RGL1: variants seen among roughly 807,000 people sequenced by gnomAD.
The protein encoded by RGL1 is ral guanine nucleotide dissociation stimulator-like 1.
A neutral mutation model predicts 95.2 loss-of-function variants in RGL1; 24 were observed. The ratio of observed to expected loss-of-function variants is 0.25; its 90% CI spans 0.18 to 0.35. The LOEUF is 0.35. RGL1 is among the 10% of genes least tolerant of loss of function. RGL1 has a pLI of 1.00. For missense variants in RGL1, 715 were observed against 936.3 expected, an observed-to-expected ratio of 0.76 and a Z score of 3.08; for synonymous variants, 329 against 344.9, an observed-to-expected ratio of 0.95 and a Z score of 0.51.
intron 3 of RGL1, among the ~76,000 whole-genome samples, chr1:183,859,453 G>T (rs1665372893): frequency 6.6e-6 from 1 of 152,138 alleles, no homozygotes; most frequent in African/African-American, 2.4e-5. Flanking sequence ...TGGAAAGAAA[G>T]GTTATTCTCC....
chr1:183,787,532 G>A (rs1660238785), intron 2 of RGL1, among the ~76,000 whole-genome samples: 1 of 152,150 alleles, frequency 6.6e-6, no homozygotes, highest in South Asian at 2.1e-4. Flanking sequence ...CCCCAGACAT[G>A]TGCCAGACCT....
At chr1:183,735,541 A>G (rs1268247929) in intron 1 of RGL1, among the ~76,000 whole-genome samples, 1 of 152,122 alleles carries the variant, frequency 6.6e-6, no homozygotes, top group Admixed American at 6.6e-5. Flanking sequence ...TATGGAAAGC[A>G]AAAAAAGCAA....
chr1:183,798,726 C>A (rs1037467576), intron 2 of RGL1, among the ~76,000 whole-genome samples: 1 of 151,828 alleles, frequency 6.6e-6, no homozygotes, highest in Non-Finnish European at 1.5e-5. Context: ...CACCCCCTCA[C>A]CCTGCCAATC....
chr1:183,886,083 A>G (rs1005695074), intron 7 of RGL1, among the ~76,000 whole-genome samples: 2 of 152,024 alleles, frequency 1.3e-5, no homozygotes, highest in Non-Finnish European at 2.9e-5. Flanking sequence ...ATTTTGCTTT[A>G]TGTCCCCTTA....
intron 2 of RGL1, among the ~76,000 whole-genome samples, chr1:183,748,811 T>C (rs1010676921): frequency 2.0e-5 from 3 of 152,222 alleles, no homozygotes; most frequent in Non-Finnish European, 2.9e-5. Flanking sequence ...GAGATTCTGA[T>C]ACATTGTATC....
At chr1:183,838,839 C>T (rs567781428) in intron 2 of RGL1, among the ~76,000 whole-genome samples, 13 of 152,264 alleles carry the variant, frequency 8.5e-5, no homozygotes, top group South Asian at 2.1e-4. Context: ...ATTTTCATGG[C>T]GTAAATAGTG....
chr1:183,826,177 C>T (rs1018315776), intron 2 of RGL1, among the ~76,000 whole-genome samples: 1 of 152,066 alleles, frequency 6.6e-6, no homozygotes, highest in Non-Finnish European at 1.5e-5. Flanking sequence ...CCTCAGCCTC[C>T]TGAGTAGCTG....
intron 2 of RGL1, among the ~76,000 whole-genome samples, chr1:183,773,889 A>G (rs1410522990): frequency 6.6e-6 from 1 of 152,160 alleles, no homozygotes; most frequent in African/African-American, 2.4e-5. Context: ...GAAGAATCAT[A>G]CTGTATCAAG....
chr1:183,864,820 C>G (rs919640203), intron 3 of RGL1, among the ~76,000 whole-genome samples: 1 of 152,046 alleles, frequency 6.6e-6, no homozygotes, highest in South Asian at 2.1e-4. Context: ...TGGAACCTAC[C>G]GGGATGGGAT....
At chr1:183,885,985 A>C (rs1667085459) in intron 7 of RGL1, among the ~76,000 whole-genome samples, 1 of 152,172 alleles carries the variant, frequency 6.6e-6, no homozygotes. Flanking sequence ...TTACATCAGC[A>C]AAATAATGAT....
chr1:183,778,351 G>C (rs1348640701), intron 2 of RGL1, among the ~76,000 whole-genome samples: 1 of 152,200 alleles, frequency 6.6e-6, no homozygotes, highest in Non-Finnish European at 1.5e-5. Flanking sequence ...GAAAAATCTA[G>C]CGGGGGAGAA....
chr1:183,820,580 C>G (rs900242264), intron 2 of RGL1, among the ~76,000 whole-genome samples: 1 of 152,064 alleles, frequency 6.6e-6, no homozygotes, highest in African/African-American at 2.4e-5. Context: ...CATTGCCACT[C>G]TCTTGCTCTG....
At chr1:183,926,079 A>T in intron 17 of RGL1, 26 bp from the exon 18 acceptor site, 1 of 1,603,170 alleles carries the variant, frequency 6.2e-7, no homozygotes, top group Non-Finnish European at 8.5e-7. Context: ...CAAGCTGACC[A>T]TCTTATCTTT....
At chr1:183,816,352 T>C (rs1005409457) in intron 2 of RGL1, among the ~76,000 whole-genome samples, 1 of 152,188 alleles carries the variant, frequency 6.6e-6, no homozygotes, top group African/African-American at 2.4e-5. Context: ...TAGGACATAA[T>C]TTAGGATGTT....
At position 183,831,762 on chromosome 1, in the gene RGL1, C is replaced by G. The variant is rs559147236; in HGVS notation, c.139-15804C>G. Among the ~76,000 whole-genome samples, 4 of 152,202 alleles carry G rather than the reference C, an allele frequency of 2.6e-5. No homozygotes were observed. In the East Asian group the frequency reaches 7.7e-4, roughly 29 times the overall value. The stretch of plus-strand genomic sequence containing the variant: ...ATTAATATTCATGAAGAGCTTATTG[C>G]TGATTTGGTTGAAGGCCAATTTCTA... On this transcript the variant is annotated intron_variant, in intron 2 of 17. Transcript: ENST00000360851.
intron 1 of RGL1, among the ~76,000 whole-genome samples, chr1:183,687,334 A>G (rs552581755): frequency 2.6e-4 from 40 of 152,198 alleles, no homozygotes; most frequent in Non-Finnish European, 5.4e-4. Context: ...CTGTAAACAA[A>G]CAAATTAATT....
intron 3 of RGL1, among the ~76,000 whole-genome samples, chr1:183,851,556 G>A (rs995662966): frequency 6.6e-5 from 10 of 152,174 alleles, no homozygotes; most frequent in Admixed American, 6.5e-4. Context: ...ATATTTTACT[G>A]CAAAAGATAA....
intron 4 of RGL1, among the ~76,000 whole-genome samples, chr1:183,878,361 T>C (rs370202873): frequency 6.6e-6 from 1 of 151,392 alleles, no homozygotes; most frequent in African/African-American, 2.4e-5. Flanking sequence ...CACACCTGGC[T>C]AATTTTCTGT....
chr1:183,888,466 C>G lies in RGL1; in HGVS notation c.952-8C>G. Reference sequence around the variant, plus strand: ...ATGCCTTTTATGTTTTAATCACTCCCCATGCAGGAATGTAGACTCCTGAAG... The same window carrying G: ...ATGCCTTTTATGTTTTAATCACTCCGCATGCAGGAATGTAGACTCCTGAAG... On this transcript the variant is annotated splice_polypyrimidine_tract_variant and splice_region_variant and intron_variant, in intron 7 of 17. Transcript: ENST00000360851. 1.3e-6 allele frequency: 2 copies of G among 1,523,436 alleles called. No individual in the cohort carries two copies. Among genetic ancestry groups the G allele is most frequent in the Non-Finnish European group, 1.8e-6 (2 of 1,097,726 alleles). 94.4% of individuals were successfully genotyped at this position (1,523,436 alleles called of 1,614,324 possible). A position where few individuals can be genotyped will look rare whatever the true frequency, so the allele number is the denominator to read the frequency against.
Sources: allele counts gnomAD v4.1 joint callset (sites outside exome capture counted in the v4.1 genomes callset), GRCh38; gene constraint gnomAD v4.1.1; transcripts MANE v1.5; gene names NCBI Gene and HGNC (gene_info 2026-07-23, HGNC 2026-07-21).